Variants in IQCK observed in about 807,000 individuals in gnomAD.
The protein encoded by IQCK is IQ motif containing K.
A neutral mutation model predicts 28.1 loss-of-function variants in IQCK; 29 were observed. That is an observed-to-expected ratio of 1.03 (90% CI 0.77 to 1.41). IQCK has a LOEUF of 1.41. Among genes scored for constraint, IQCK ranks in the 40% most tolerant of loss-of-function variants. The pLI, the probability that IQCK is intolerant of heterozygous loss-of-function variation, is 0.00. For missense variants in IQCK, 359 were observed against 314.7 expected, an observed-to-expected ratio of 1.14 and a Z score of -1.07; for synonymous variants, 113 against 115.1, an observed-to-expected ratio of 0.98 and a Z score of 0.12.
intron 4 of IQCK, among the ~76,000 whole-genome samples, chr16:19,748,838 A>G (rs946295456): frequency 6.6e-6 from 1 of 152,214 alleles, no homozygotes; most frequent in Non-Finnish European, 1.5e-5. Context: ...TGAGAATGTA[A>G]TATAAAGACA....
intron 4 of IQCK, among the ~76,000 whole-genome samples, chr16:19,753,992 A>T (rs542325487): frequency 2.0e-5 from 3 of 152,262 alleles, no homozygotes; most frequent in East Asian, 3.9e-4. Flanking sequence ...GAAGTGGGTC[A>T]CATGCCCATT....
intron 3 of IQCK, 158 bp downstream of exon 3, chr16:19,733,985 C>A: frequency 1.6e-6 from 1 of 615,542 alleles, no homozygotes; most frequent in Non-Finnish European, 2.7e-6. Flanking sequence ...CTTTATTTCA[C>A]TGATTTATCT....
chr16:19,750,315 C>T (rs370777302), intron 4 of IQCK, among the ~76,000 whole-genome samples: 10 of 151,924 alleles, frequency 6.6e-5, no homozygotes, highest in East Asian at 1.9e-4. Flanking sequence ...TTAGTAGAGA[C>T]GGGGTTTCAC....
intron 4 of IQCK, among the ~76,000 whole-genome samples, chr16:19,738,803 G>A (rs1173095817): frequency 6.6e-6 from 1 of 152,052 alleles, no homozygotes; most frequent in Non-Finnish European, 1.5e-5. Flanking sequence ...TTGTTCCTTC[G>A]CCATCTAGAG....
chr16:19,845,984 G>C (rs2056411684), intron 9 of IQCK, among the ~76,000 whole-genome samples: 1 of 152,150 alleles, frequency 6.6e-6, no homozygotes, highest in African/African-American at 2.4e-5. Context: ...GCTGAGGTGG[G>C]GGGGATCACC....
intron 9 of IQCK, among the ~76,000 whole-genome samples, chr16:19,853,399 C>G (rs1265084112): frequency 6.6e-6 from 1 of 152,158 alleles, no homozygotes; most frequent in African/African-American, 2.4e-5. Flanking sequence ...TAAAGAGATA[C>G]TAAGGGGCTT....
chr16:19,821,050 AAAAC>A (rs775862503), intron 7 of IQCK, among the ~76,000 whole-genome samples: 9 of 152,134 alleles, frequency 5.9e-5, no homozygotes, highest in Non-Finnish European at 1.0e-4. Context: ...GCTATAGTGA[AAAAC>A]AAACAGAGCC....
Position 19,735,583 on chromosome 16 carries a change from G to A in IQCK, c.474+133G>A, listed in dbSNP as rs1021068214. ...TTCGGGAGGGAAAGCCTGTGTTTGG[G>A]GTCACTTACCCAGTTCCAGCCACAC... On this transcript the variant is annotated intron_variant, in intron 4 of 7. Coordinates refer to ENST00000564186, the Ensembl canonical transcript of IQCK. 13 of 725,512 alleles carry A rather than the reference G, an allele frequency of 1.8e-5. 1 individual carries two copies. In the Admixed American group the frequency reaches 2.6e-4, roughly 15 times the overall value. 44.9% of individuals were successfully genotyped at this position (725,512 alleles called of 1,614,324 possible).
At chr16:19,818,073 G>A (rs2056013591) in intron 7 of IQCK, among the ~76,000 whole-genome samples, 1 of 152,156 alleles carries the variant, frequency 6.6e-6, no homozygotes, top group African/African-American at 2.4e-5. Flanking sequence ...GGAAAGTTGG[G>A]GTTAATCCCT....
At chr16:19,733,634 A>G (rs1977911775) in intron 2 of IQCK, 64 bp from the exon 3 acceptor site, 2 of 1,582,630 alleles carry the variant, frequency 1.3e-6, no homozygotes, top group Non-Finnish European at 1.7e-6. Flanking sequence ...ATAAGGTTAT[A>G]CCAGAAAATG....
intron 9 of IQCK, among the ~76,000 whole-genome samples, chr16:19,842,002 C>T (rs1041557394): frequency 3.9e-5 from 6 of 152,100 alleles, no homozygotes; most frequent in African/African-American, 9.7e-5. Context: ...CCCACCACCA[C>T]GCCTAGCACA....
chr16:19,812,912 A>G (rs1296416760), intron 7 of IQCK, among the ~76,000 whole-genome samples: 1 of 152,256 alleles, frequency 6.6e-6, no homozygotes, highest in African/African-American at 2.4e-5. Context: ...GAATCAATGT[A>G]CTAAAGCAGT....
intron 4 of IQCK, among the ~76,000 whole-genome samples, chr16:19,743,953 A>G (rs151241235): frequency 6.6e-6 from 1 of 152,290 alleles, no homozygotes; most frequent in Non-Finnish European, 1.5e-5. Flanking sequence ...TTGGCCAATT[A>G]CACACACATC....
At chr16:19,851,677 T>C (rs765068786) in intron 9 of IQCK, among the ~76,000 whole-genome samples, 26 of 152,130 alleles carry the variant, frequency 1.7e-4, no homozygotes, top group Non-Finnish European at 3.7e-4. Flanking sequence ...GATTTTCCAC[T>C]CTCCCAGCCC....
intron 7 of IQCK, among the ~76,000 whole-genome samples, chr16:19,813,973 C>CT (rs1317152823): frequency 6.6e-6 from 1 of 151,910 alleles, no homozygotes; most frequent in African/African-American, 2.4e-5. Flanking sequence ...AATCCCAGCA[C>CT]TTTGGGAGGC....
chr16:19,718,555 C>T (rs1473066912), intron 1 of IQCK, 68 bp downstream of exon 1: 3 of 1,398,566 alleles, frequency 2.1e-6, no homozygotes, highest in East Asian at 5.6e-5. Flanking sequence ...GTTTGGGGAG[C>T]GCCCACTGTG....
In IQCK at chr16:19,728,649, C is replaced by T. The variant is rs149564119; in HGVS notation, c.182-1781C>T. 1.1e-4 allele frequency among the ~76,000 whole-genome samples: 17 copies of T among 152,300 alleles called. No homozygotes were observed. The East Asian group carries it at 3.1e-3, about 28-fold the overall frequency. Reference sequence around the variant, plus strand: ...AGAAGATCACAGCTTTGGCTGATACCTTGAATTCAGCCTGATAAAACCCTG... The same window carrying T: ...AGAAGATCACAGCTTTGGCTGATACTTTGAATTCAGCCTGATAAAACCCTG... On this transcript the variant is annotated intron_variant, in intron 1 of 7. Coordinates refer to ENST00000564186, the Ensembl canonical transcript of IQCK.
chr16:19,744,244 TTTC>T (rs1266378571), intron 4 of IQCK, among the ~76,000 whole-genome samples: 4 of 152,350 alleles, frequency 2.6e-5, no homozygotes, highest in South Asian at 4.1e-4. Context: ...TAGATTATTT[TTTC>T]TTCTTTTCTC....
intron 1 of IQCK, among the ~76,000 whole-genome samples, chr16:19,720,982 A>G (rs1221875302): frequency 6.6e-6 from 1 of 152,020 alleles, no homozygotes; most frequent in African/African-American, 2.4e-5. Context: ...ACTGCACTCC[A>G]GCCTGGGCAA....
Sources: gnomAD v4.1 joint callset for allele counts (sites outside exome capture counted in the v4.1 genomes callset) on GRCh38, gnomAD v4.1.1 for gene constraint, MANE v1.5 for transcripts, NCBI Gene and HGNC (gene_info 2026-07-23, HGNC 2026-07-21) for gene names.